The following CCDC149 variants were observed in gnomAD, a reference collection of about 807,000 sequenced individuals.
CCDC149 encodes the protein coiled-coil domain-containing protein 149.
In CCDC149, 45 loss-of-function variants were observed where a neutral mutation model predicts 59.9. The ratio of observed to expected loss-of-function variants is 0.75; its 90% CI spans 0.59 to 0.96. The LOEUF (loss-of-function observed/expected upper bound fraction) is 0.96, where lower values mean the gene tolerates loss of function less well. Ranked by LOEUF, CCDC149 falls within the 40% of genes least tolerant of loss-of-function variation. The probability of loss-of-function intolerance (pLI) is 0.00; values close to 1 mark genes in which losing one functional copy is unlikely to be tolerated. For missense variants in CCDC149, 584 were observed against 664.7 expected, an observed-to-expected ratio of 0.88 and a Z score of 1.33; for synonymous variants, 245 against 260.6, an observed-to-expected ratio of 0.94 and a Z score of 0.58.
intron 1 of CCDC149, among the ~76,000 whole-genome samples, chr4:24,940,014 G>A (rs1224551952): frequency 6.6e-6 from 1 of 152,148 alleles, no homozygotes; most frequent in Non-Finnish European, 1.5e-5. Flanking sequence ...AGCAAGGCAG[G>A]CCAACATTCA....
chr4:24,858,279 G>A (rs1337134875), intron 3 of CCDC149, among the ~76,000 whole-genome samples: 1 of 152,188 alleles, frequency 6.6e-6, no homozygotes, highest in Non-Finnish European at 1.5e-5. Flanking sequence ...GGGAAAAGTG[G>A]CAGCCTGCCT....
chr4:24,905,414 CGTGTGTGTGTGTGT>C (rs1163234474), intron 1 of CCDC149, among the ~76,000 whole-genome samples: 4 of 78,652 alleles, frequency 5.1e-5, no homozygotes, highest in East Asian at 1.1e-3. Context: ...TGCGTGCGTG[CGTGTGTGTGTGTGT>C]GTGTGTGTGT....
At chr4:24,850,999 A>G (rs75958337) in intron 4 of CCDC149, among the ~76,000 whole-genome samples, 2,021 of 152,134 alleles carry the variant, frequency 0.013, 20 homozygotes, top group Non-Finnish European at 0.021. Context: ...AGATACTGAA[A>G]TGGGGAGGTT....
chr4:24,857,834 G>A (rs1023288353), intron 3 of CCDC149, among the ~76,000 whole-genome samples: 2 of 152,136 alleles, frequency 1.3e-5, no homozygotes, highest in African/African-American at 4.8e-5. Context: ...CAGTGGGGTG[G>A]GGGTGGCACC....
intron 1 of CCDC149, among the ~76,000 whole-genome samples, chr4:24,946,853 T>C (rs920510272): frequency 1.3e-5 from 2 of 152,272 alleles, no homozygotes; most frequent in African/African-American, 4.8e-5. Context: ...AAGACTTAGG[T>C]TTTTAATACA....
intron 3 of CCDC149, among the ~76,000 whole-genome samples, chr4:24,866,679 C>T (rs1560225892): frequency 3.3e-5 from 5 of 151,306 alleles, no homozygotes. Flanking sequence ...ATCGGAAATT[C>T]GTTGTTTTAA....
intron 4 of CCDC149, among the ~76,000 whole-genome samples, chr4:24,841,695 A>G (rs905357077): frequency 4.6e-5 from 7 of 152,218 alleles, no homozygotes; most frequent in African/African-American, 1.7e-4. Context: ...TGGCCCACCT[A>G]GGGCCTGCAT....
At chr4:24,956,300 C>G (rs151015757) in intron 1 of CCDC149, among the ~76,000 whole-genome samples, 1 of 151,978 alleles carries the variant, frequency 6.6e-6, no homozygotes, top group African/African-American at 2.4e-5. Flanking sequence ...CTCACCCTCT[C>G]AGTGACCCTC....
chr4:24,807,330 CATGCTGTT>C lies in CCDC149; in HGVS notation c.*1051_*1058del, dbSNP rs1219579716. On this transcript the variant is annotated 3_prime_UTR_variant, in exon 13 of 13. Transcript: ENST00000635206. ...TCCTTGGTTCCACATCCCCCCTTGC[CATGCTGTT>C]GTGAAGTTGTTTTGTTTTCCTCTCT... The C allele has an allele frequency of 6.6e-6, 1 of 152,294 alleles. No individual in the cohort carries two copies. Among genetic ancestry groups the C allele is most frequent in the African/African-American group, 2.4e-5 (1 of 41,446 alleles). The allele number at this position is 152,294 out of a possible 1,614,324, so 9.4% of individuals were successfully genotyped here.
At chr4:24,873,651 A>C in intron 3 of CCDC149, 30 bp downstream of exon 3, 1 of 1,520,050 alleles carries the variant, frequency 6.6e-7, no homozygotes, top group Non-Finnish European at 9.1e-7. Flanking sequence ...GGTATCAATA[A>C]AAAAATCTGA....
chr4:24,958,567 T>A (rs1723539565), intron 1 of CCDC149, among the ~76,000 whole-genome samples: 2 of 152,188 alleles, frequency 1.3e-5, no homozygotes, highest in Admixed American at 1.3e-4. Flanking sequence ...TTATAATCAT[T>A]TTCATATGTT....
At chr4:24,915,204 C>T (rs1332518734), upstream of CCDC149, among the ~76,000 whole-genome samples, 4 of 152,254 alleles carry the variant, frequency 2.6e-5, no homozygotes, top group South Asian at 2.1e-4. Context: ...CTAAGCCTGA[C>T]GTCTCATGCC....
chr4:24,909,684 G>A (rs1051931527), intron 1 of CCDC149, among the ~76,000 whole-genome samples: 1 of 152,168 alleles, frequency 6.6e-6, no homozygotes, highest in Non-Finnish European at 1.5e-5. Flanking sequence ...GAATCATGGG[G>A]CTAGTTTCCT....
chr4:24,853,587 C>CAAAA (rs11291619), intron 3 of CCDC149, among the ~76,000 whole-genome samples: 3 of 92,354 alleles, frequency 3.2e-5, no homozygotes, highest in Non-Finnish European at 2.4e-5. Context: ...GACTCCATTT[C>CAAAA]AAAAAAAAAA....
chr4:24,826,880 A>G (rs548834872), intron 9 of CCDC149: 2 of 152,312 alleles, frequency 1.3e-5, no homozygotes, highest in East Asian at 3.9e-4. Context: ...AGCAGGGAAG[A>G]GAAGGAGATA....
intron 1 of CCDC149, among the ~76,000 whole-genome samples, chr4:24,927,843 G>GAT (rs977055693): frequency 4.0e-5 from 6 of 151,342 alleles, no homozygotes; most frequent in African/African-American, 1.2e-4. Flanking sequence ...CTTTACAGGG[G>GAT]ATATATATAT....
At chr4:24,976,156 T>A (rs1293961442) in intron 1 of CCDC149, among the ~76,000 whole-genome samples, 1 of 152,212 alleles carries the variant, frequency 6.6e-6, no homozygotes, top group African/African-American at 2.4e-5. Flanking sequence ...ATTACCTTTT[T>A]CCTTAAATGA....
chr4:24,933,232 C>A lies in CCDC149; in HGVS notation c.-64-38114G>T, dbSNP rs61793805. On this transcript the variant is annotated intron_variant, in intron 1 of 12. Transcript: ENST00000389609. ...TACTTAAATGGGAGGGGCTGGGTGGCACTAGAAATCTATCCTGGGAAGATA... is the reference window on the plus strand; with the variant it reads ...TACTTAAATGGGAGGGGCTGGGTGGAACTAGAAATCTATCCTGGGAAGATA... Among the ~76,000 whole-genome samples, 11 of 152,264 alleles carry A rather than the reference C, an allele frequency of 7.2e-5. No individual in the cohort carries two copies. In the East Asian group the frequency reaches 7.7e-4, roughly 11 times the overall value.
chr4:24,815,759 T>C (rs1017267211), intron 12 of CCDC149, among the ~76,000 whole-genome samples: 1 of 152,224 alleles, frequency 6.6e-6, no homozygotes, highest in Admixed American at 6.5e-5. Flanking sequence ...GATGACATTC[T>C]GCTCATGTCC....
Sources: gnomAD v4.1 joint callset for allele counts (sites outside exome capture counted in the v4.1 genomes callset) on GRCh38, gnomAD v4.1.1 for gene constraint, MANE v1.5 for transcripts, NCBI Gene and HGNC (gene_info 2026-07-23, HGNC 2026-07-21) for gene names.